TRUB2: variants seen among roughly 807,000 people sequenced by gnomAD.
TRUB2 encodes pseudouridylate synthase TRUB2, mitochondrial.
A neutral mutation model predicts 31.9 loss-of-function variants in TRUB2; 31 were observed. The observed-to-expected ratio is 0.97, with a 90% CI of 0.73 to 1.31. The LOEUF (loss-of-function observed/expected upper bound fraction) is 1.31, where lower values mean the gene tolerates loss of function less well. Among genes scored for constraint, TRUB2 ranks in the 50% most tolerant of loss-of-function variants. TRUB2 has a pLI of 0.00. For missense variants in TRUB2, 451 were observed against 439.6 expected (o/e 1.03, Z -0.23); for synonymous variants, 201 against 182.6 (o/e 1.10, Z -0.81).
In TRUB2 at chr9:128,306,799, A is replaced by C. The variant is rs1051646780; in HGVS notation, c.*2751T>G. The C allele has an allele frequency of 6.6e-6, 1 of 151,676 alleles. No individual in the cohort carries two copies. Among genetic ancestry groups the C allele is most frequent in the African/African-American group, 2.4e-5 (1 of 41,276 alleles). The allele number at this position is 151,676 out of a possible 1,614,324, so 9.4% of individuals were successfully genotyped here. On this transcript the variant is annotated 3_prime_UTR_variant, in exon 8 of 8. Transcript: ENST00000372890. The stretch of plus-strand genomic sequence containing the variant: ...CGTCCAGACTGGAGTGCAGGGGCAC[A>C]ATCTCAGCTAATGGCAATCTCCACC...
chr9:128,312,604 GTATTAT>G (rs1564383191), intron 5 of TRUB2, among the ~76,000 whole-genome samples: 2 of 144,838 alleles, frequency 1.4e-5, no homozygotes, highest in Non-Finnish European at 3.0e-5. Context: ...CTAATTTTTT[GTATTAT>G]TATTATTTTT....
chr9:128,319,577 T>G (rs1025430993), intron 2 of TRUB2, among the ~76,000 whole-genome samples: 3 of 152,016 alleles, frequency 2.0e-5, no homozygotes, highest in South Asian at 2.1e-4. Context: ...TTGTAGATGT[T>G]CAAGTCCCTG....
In TRUB2 at chr9:128,306,556, CAGCCTCCCGGGT is replaced by C. The variant is rs1212653823; in HGVS notation, c.*2982_*2993del. ...CTCCCGAGTTCCAGTTATTCTGCAT[CAGCCTCCCGGGT>C]AGCCAGGACTACAGGCACGTGCAAG... On this transcript the variant is annotated 3_prime_UTR_variant, in exon 8 of 8. Transcript: ENST00000372890. 6.6e-6 allele frequency: 1 copy of C among 151,052 alleles called. No homozygotes were observed. The highest frequency in any genetic ancestry group is 6.6e-5 in the Admixed American group (1 of 15,114). The allele number at this position is 151,052 out of a possible 1,614,324, so 9.4% of individuals were successfully genotyped here.
At chr9:128,311,360 G>A (rs1831964903) in intron 6 of TRUB2, 169 bp downstream of exon 6, 2 of 738,720 alleles carry the variant, frequency 2.7e-6, no homozygotes, top group Non-Finnish European at 4.5e-6. Context: ...GCCAACCCAA[G>A]ACCTGGCACA....
chr9:128,311,547 TG>T lies in TRUB2; in HGVS notation c.514del (p.His172IlefsTer6), dbSNP rs917451734. On this transcript the variant is annotated frameshift_variant, in exon 6 of 8. Coordinates refer to ENST00000372890, the MANE Select transcript of TRUB2 (RefSeq NM_015679.3). LOFTEE classifies it high-confidence loss of function. ...DRILAVIQGSHQKALVMYSNL... is the reference protein window; with the variant it reads ...DRILAVIQGSXQKALVMYSNL... ...TACTCACATCACCAGGGCCTTCTGA[TG>T]GGAGCCTTGGATAACGGCCAGAATG... 3 of 1,613,974 alleles carry T rather than the reference TG, an allele frequency of 1.9e-6. No individual in the cohort carries two copies. The African/African-American group carries it at 4.0e-5, about 22-fold the overall frequency.
chr9:128,321,592 G>A lies in TRUB2; in HGVS notation c.241+7C>T. The A allele has an allele frequency of 6.2e-7, 1 of 1,613,942 alleles. No homozygotes were observed. Among genetic ancestry groups the A allele is most frequent in the Non-Finnish European group, 8.5e-7 (1 of 1,179,914 alleles). On this transcript the variant is annotated splice_region_variant and intron_variant, in intron 2 of 7. Coordinates refer to ENST00000372890, the MANE Select transcript of TRUB2 (RefSeq NM_015679.3). ...GACACACAGGATCCTGCTTAAATCTGCCTTACCCAGTGGATGGTTGATGAA... is the reference window on the plus strand; with the variant it reads ...GACACACAGGATCCTGCTTAAATCTACCTTACCCAGTGGATGGTTGATGAA...
In TRUB2 at chr9:128,308,321, CAGG is replaced by C. The variant is rs759644684; in HGVS notation, c.*1226_*1228del. On this transcript the variant is annotated 3_prime_UTR_variant, in exon 8 of 8. Coordinates refer to ENST00000372890, the MANE Select transcript of TRUB2 (RefSeq NM_015679.3). ...GGCCAAGCCAGGCGGATCACGAGGT[CAGG>C]AGATTGAGACCATCCTGGCTAACAC... 1 of 151,152 alleles carries C rather than the reference CAGG, an allele frequency of 6.6e-6. No homozygotes were observed. Among genetic ancestry groups the C allele is most frequent in the Non-Finnish European group, 1.5e-5 (1 of 67,944 alleles). The allele number at this position is 151,152 out of a possible 1,614,324, so 9.4% of individuals were successfully genotyped here.
chr9:128,309,697 G>C lies in TRUB2; in HGVS notation c.849C>G (p.Ile283Met). The change falls in exon 8 of 8, where the codon ATC becomes ATG. Residue 283 changes from isoleucine to methionine, a missense_variant. By Grantham distance (10) the Ile-to-Met change is conservative. Coordinates refer to ENST00000372890, the MANE Select transcript of TRUB2 (RefSeq NM_015679.3). ...CAGCTACCTGAGGGGTAGCAGCCCG[G>C]ATAGCATCCTGGATGTTGGTTAGGT... ...QWDLTNIQDA[I>M]RAATPQVAAE... 1 of 1,614,228 alleles carries C rather than the reference G, an allele frequency of 6.2e-7. No homozygotes were observed. Among genetic ancestry groups the C allele is most frequent in the Non-Finnish European group, 8.5e-7 (1 of 1,180,048 alleles).
intron 1 of TRUB2, among the ~76,000 whole-genome samples, 174 bp downstream of exon 1, chr9:128,322,126 C>G (rs1339400097): frequency 6.6e-6 from 1 of 152,144 alleles, no homozygotes; most frequent in African/African-American, 2.4e-5. Context: ...TCAGTTTCCC[C>G]CTCGGAAAAC....
At chr9:128,313,756 T>C in intron 5 of TRUB2, 52 bp downstream of exon 5, 1 of 1,555,896 alleles carries the variant, frequency 6.4e-7, no homozygotes, top group Non-Finnish European at 8.9e-7. Flanking sequence ...GGGAGAGGAC[T>C]CAGGGAAAGC....
At chr9:128,313,717 C>G in intron 5 of TRUB2, 91 bp downstream of exon 5, 1 of 1,171,568 alleles carries the variant, frequency 8.5e-7, no homozygotes, top group Non-Finnish European at 1.3e-6. Flanking sequence ...TGCAGTGGAA[C>G]TGAGAAGGGG....
chr9:128,306,565 G>C lies in TRUB2; in HGVS notation c.*2985C>G, dbSNP rs1051187479. 4 of 150,374 alleles carry C rather than the reference G, an allele frequency of 2.7e-5. No individual in the cohort carries two copies. Among genetic ancestry groups the C allele is most frequent in the African/African-American group, 9.8e-5 (4 of 40,736 alleles). The allele number at this position is 150,374 out of a possible 1,614,324, so 9.3% of individuals were successfully genotyped here. ...TCCAGTTATTCTGCATCAGCCTCCCGGGTAGCCAGGACTACAGGCACGTGC... is the reference window on the plus strand; with the variant it reads ...TCCAGTTATTCTGCATCAGCCTCCCCGGTAGCCAGGACTACAGGCACGTGC... On this transcript the variant is annotated 3_prime_UTR_variant, in exon 8 of 8. Coordinates refer to ENST00000372890, the MANE Select transcript of TRUB2 (RefSeq NM_015679.3).
At position 128,315,611 on chromosome 9, in the gene TRUB2, C is replaced by T. The variant is rs1832054972; in HGVS notation, c.334G>A (p.Gly112Arg). 6.2e-7 allele frequency: 1 copy of T among 1,613,596 alleles called. No homozygotes were observed. The highest frequency in any genetic ancestry group is 1.1e-5 in the South Asian group (1 of 91,020). ...TACATATCGGTGAGGAGCCTGCATC[C>T]ATGTCCCACGCCGAGCACTGAAAAG... Reference protein sequence around the residue: ...SGVLVLGVGHGCRLLTDMYNA... With the variant: ...SGVLVLGVGHRCRLLTDMYNA... Residue 112 changes from glycine (G) to arginine (R), a missense_variant, in exon 4 of 8, where the codon GGA becomes AGA. Coordinates refer to ENST00000372890, the MANE Select transcript of TRUB2 (RefSeq NM_015679.3).
At position 128,309,276 on chromosome 9, in the gene TRUB2, C is replaced by A; in HGVS notation, c.*274G>T. 2 of 439,500 alleles carry A rather than the reference C, an allele frequency of 4.6e-6. No individual in the cohort carries two copies. The highest frequency in any genetic ancestry group is 8.3e-6 in the Non-Finnish European group (2 of 241,232). The allele number at this position is 439,500 out of a possible 1,614,324, so 27.2% of individuals were successfully genotyped here. On this transcript the variant is annotated 3_prime_UTR_variant, in exon 8 of 8. Transcript: ENST00000372890. Reference sequence around the variant, plus strand: ...TCCTGGGCTCAAGCAATTCTCCTGCCTCAGCCTTGGGAGTAGCTGGGATTA... The same window carrying A: ...TCCTGGGCTCAAGCAATTCTCCTGCATCAGCCTTGGGAGTAGCTGGGATTA...
At chr9:128,313,702 G>C in intron 5 of TRUB2, 106 bp downstream of exon 5, 1 of 984,346 alleles carries the variant, frequency 1.0e-6, no homozygotes, top group Non-Finnish European at 1.6e-6. Context: ...CCCAAGCCTA[G>C]TGTGTGCAGT....
Position 128,322,359 on chromosome 9 carries a change from T to G in TRUB2, c.50A>C (p.Lys17Thr). The G allele has an allele frequency of 6.2e-7, 1 of 1,614,152 alleles. No individual in the cohort carries two copies. The highest frequency in any genetic ancestry group is 8.5e-7 in the Non-Finnish European group (1 of 1,180,024). ...GTGCTTCCATTTTAGCCCCGGGGGCTTATAGACCGCGAAAAGCCCATGCAG... is the reference window on the plus strand; with the variant it reads ...GTGCTTCCATTTTAGCCCCGGGGGCGTATAGACCGCGAAAAGCCCATGCAG... Reference protein sequence around the residue: ...SRLHGLFAVYKPPGLKWKHLR... With the variant: ...SRLHGLFAVYTPPGLKWKHLR... Residue 17 changes from lysine to threonine, a missense_variant, in exon 1 of 8, where the codon AAG becomes ACG. Transcript: ENST00000372890.
intron 3 of TRUB2, chr9:128,316,895 A>G (rs1387226474): frequency 2.2e-6 from 1 of 458,204 alleles, no homozygotes; most frequent in Admixed American, 3.9e-5. Flanking sequence ...GTTGTGGTAA[A>G]TAAATGTGCA....
rs1192244097 is a variant in TRUB2, at chr9:128,310,938, G to C, written c.619C>G (p.Leu207Val). The change falls in exon 7 of 8, where the codon CTG (leucine) becomes GTG (valine). Residue 207 changes from leucine (L) to valine (V), a missense_variant. By Grantham distance (32) the Leu-to-Val change is conservative (BLOSUM62 1). Transcript: ENST00000372890. Reference protein sequence around the residue: ...LIRPMNKSPMLITGIRCLYFA... With the variant: ...LIRPMNKSPMVITGIRCLYFA... ...TAGAGGCATCGGATGCCAGTTATCA[G>C]CATCGGGGACTTGTTCATGGGCCGG... is the stretch of plus-strand genomic sequence containing the variant. 1.9e-6 allele frequency: 3 copies of C among 1,614,126 alleles called. No homozygotes were observed. The highest frequency in any genetic ancestry group is 1.1e-5 in the South Asian group (1 of 91,094).
chr9:128,320,997 C>T (rs1161612843), intron 2 of TRUB2, among the ~76,000 whole-genome samples: 1 of 152,072 alleles, frequency 6.6e-6, no homozygotes, highest in East Asian at 1.9e-4. Context: ...CCATGTTGGC[C>T]AGGATGGTCT....
Sources: gnomAD v4.1 joint callset for allele counts (sites outside exome capture counted in the v4.1 genomes callset) on GRCh38, gnomAD v4.1.1 for gene constraint, MANE v1.5 for transcripts, NCBI Gene and HGNC (gene_info 2026-07-23, HGNC 2026-07-21) for gene names.